Variants in DOCK4 observed in about 807,000 individuals in gnomAD.
The protein encoded by DOCK4 is dedicator of cytokinesis protein 4.
Under a neutral mutation model 268.1 loss-of-function variants are expected in DOCK4, and 97 were observed. The ratio of observed to expected loss-of-function variants is 0.36; its 90% CI spans 0.31 to 0.43. DOCK4 has a LOEUF of 0.43. Among genes scored for constraint, DOCK4 ranks in the 20% least tolerant of loss-of-function variants. The pLI, the probability that DOCK4 is intolerant of heterozygous loss-of-function variation, is 1.00. For synonymous variants in DOCK4, 954 were observed against 887.2 expected (o/e 1.08, Z -1.34); for missense variants, 2,145 against 2,455.7 (o/e 0.87, Z 2.67).
intron 1 of DOCK4, among the ~76,000 whole-genome samples, chr7:112,123,106 G>C (rs1246017648): frequency 1.3e-5 from 2 of 152,234 alleles, no homozygotes; most frequent in African/African-American, 4.8e-5. Context: ...GAGGAATTCT[G>C]TTAAAGGGAT....
At chr7:111,776,412 C>T (rs1798444402) in intron 36 of DOCK4, among the ~76,000 whole-genome samples, 1 of 152,136 alleles carries the variant, frequency 6.6e-6, no homozygotes, top group Non-Finnish European at 1.5e-5. Context: ...ATAAACGTCT[C>T]ACTGGAAAGG....
intron 44 of DOCK4, among the ~76,000 whole-genome samples, chr7:111,743,011 AAAAAG>A (rs1425449464): frequency 2.0e-5 from 3 of 152,250 alleles, no homozygotes; most frequent in African/African-American, 7.2e-5. Flanking sequence ...AAAAAAAAGA[AAAAAG>A]AAAAAAATCC....
At position 111,809,826 on chromosome 7, in the gene DOCK4, G is replaced by A. The variant is rs770502003; in HGVS notation, c.3007-425C>T. ...GTTCATTTTTGGAACTCCTTTTAACGTAGAACTTGTAAAAAATGCATACAC... is the reference window on the plus strand; with the variant it reads ...GTTCATTTTTGGAACTCCTTTTAACATAGAACTTGTAAAAAATGCATACAC... On this transcript the variant is annotated intron_variant, in intron 28 of 52. Coordinates refer to ENST00000428084, the MANE Select transcript of DOCK4 (RefSeq NM_001363540.2). 7.2e-5 allele frequency among the ~76,000 whole-genome samples: 11 copies of A among 152,200 alleles called. 1 individual carries two copies. Among genetic ancestry groups the A allele is most frequent in the Admixed American group, 3.9e-4 (6 of 15,284 alleles).
chr7:111,930,055 C>T (rs1402511736), intron 12 of DOCK4, among the ~76,000 whole-genome samples: 1 of 152,116 alleles, frequency 6.6e-6, no homozygotes, highest in African/African-American at 2.4e-5. Flanking sequence ...TTTATAATAA[C>T]CATTTGCTCA....
intron 1 of DOCK4, among the ~76,000 whole-genome samples, chr7:112,018,621 G>C (rs1175685455): frequency 6.6e-6 from 1 of 151,946 alleles, no homozygotes; most frequent in Admixed American, 6.6e-5. Flanking sequence ...ATTGAAATCT[G>C]GGTTGTCTTT....
intron 49 of DOCK4, 124 bp from the exon 50 acceptor site, chr7:111,737,113 G>C: frequency 2.7e-6 from 2 of 753,366 alleles, no homozygotes; most frequent in Non-Finnish European, 2.2e-6. Flanking sequence ...GTGATATGAT[G>C]AGCCTAGGAA....
chr7:111,768,294 C>T (rs533208252), intron 37 of DOCK4, among the ~76,000 whole-genome samples: 1 of 152,106 alleles, frequency 6.6e-6, no homozygotes, highest in South Asian at 2.1e-4. Context: ...ACCACTTTAT[C>T]CCACAGGTGG....
chr7:111,761,791 T>G (rs1285527380), intron 39 of DOCK4, among the ~76,000 whole-genome samples: 1 of 152,120 alleles, frequency 6.6e-6, no homozygotes, highest in Non-Finnish European at 1.5e-5. Context: ...TATCATGATC[T>G]TTTGAAAAAC....
intron 1 of DOCK4, among the ~76,000 whole-genome samples, chr7:112,068,841 A>G (rs1048967677): frequency 2.0e-5 from 3 of 152,130 alleles, no homozygotes; most frequent in African/African-American, 7.2e-5. Context: ...GAGATGTAGG[A>G]TCTCTATCTC....
rs1007559521 is a variant in DOCK4 at position 112,114,189 on chromosome 7, C to A, written c.37+91913G>T. 2.0e-5 allele frequency among the ~76,000 whole-genome samples: 3 copies of A among 152,164 alleles called. No homozygotes were observed. The South Asian group carries it at 6.2e-4, about 32-fold the overall frequency. Reference sequence around the variant, plus strand: ...CCTGCCTCCTTGAGCTATCCCCATCCTGGTCAAGCCTTCATGACACGGTCA... The same window carrying A: ...CCTGCCTCCTTGAGCTATCCCCATCATGGTCAAGCCTTCATGACACGGTCA... On this transcript the variant is annotated intron_variant, in intron 1 of 52. Transcript: ENST00000428084.
intron 1 of DOCK4, among the ~76,000 whole-genome samples, chr7:112,198,558 T>C (rs960555992): frequency 2.6e-5 from 4 of 152,204 alleles, no homozygotes; most frequent in Admixed American, 6.5e-5. Flanking sequence ...ACCTGATTCA[T>C]GGACTTATCT....
Position 111,742,195 on chromosome 7 carries a change from A to G in DOCK4, c.4678-63T>C. On this transcript the variant is annotated intron_variant, in intron 44 of 52. Coordinates refer to ENST00000428084, the MANE Select transcript of DOCK4 (RefSeq NM_001363540.2). ...GACTACCTCTCACTAAGTGCCTGCTATGGGCCGAGCACTTTACTACGCATT... is the reference window on the plus strand; with the variant it reads ...GACTACCTCTCACTAAGTGCCTGCTGTGGGCCGAGCACTTTACTACGCATT... The G allele has an allele frequency of 4.0e-6, 6 of 1,488,678 alleles. No homozygotes were observed. The South Asian group carries it at 5.8e-5, about 14-fold the overall frequency. The allele number at this position is 1,488,678 out of a possible 1,614,324, so 92.2% of individuals were successfully genotyped here.
rs560803115 is a variant in DOCK4 at position 112,180,010 on chromosome 7, C to T, written c.37+26092G>A. Among the ~76,000 whole-genome samples, 6 of 151,996 alleles carry T rather than the reference C, an allele frequency of 3.9e-5. No homozygotes were observed. The East Asian group carries it at 7.7e-4, about 20-fold the overall frequency. On this transcript the variant is annotated intron_variant, in intron 1 of 52. Coordinates refer to ENST00000428084, the MANE Select transcript of DOCK4 (RefSeq NM_001363540.2). ...ACACAGCATCAGTTTCTTATTCTGCCGGATACTAAGTCCAAAAGTCTAAAG... is the reference window on the plus strand; with the variant it reads ...ACACAGCATCAGTTTCTTATTCTGCTGGATACTAAGTCCAAAAGTCTAAAG...
chr7:111,738,329 A>C (rs1367568747), intron 49 of DOCK4, among the ~76,000 whole-genome samples: 1 of 152,200 alleles, frequency 6.6e-6, no homozygotes, highest in Non-Finnish European at 1.5e-5. Context: ...TGCATTCAAG[A>C]ATGGCAAAGG....
chr7:111,860,927 T>C (rs182600719), intron 23 of DOCK4, among the ~76,000 whole-genome samples: 2 of 152,310 alleles, frequency 1.3e-5, no homozygotes, highest in Admixed American at 6.5e-5. Context: ...CCCTATAATA[T>C]TTTCCTTACA....
chr7:111,894,371 T>C (rs143743335), intron 16 of DOCK4, among the ~76,000 whole-genome samples: 72 of 152,346 alleles, frequency 4.7e-4, no homozygotes, highest in African/African-American at 1.5e-3. Context: ...CAGAATCCCT[T>C]TACATAGCTG....
chr7:112,154,858 G>A (rs959642390), intron 1 of DOCK4, among the ~76,000 whole-genome samples: 3 of 152,162 alleles, frequency 2.0e-5, no homozygotes, highest in Non-Finnish European at 4.4e-5. Context: ...CAATAGCGGG[G>A]AGCATTCTTC....
chr7:111,760,694 GTAATTTCAC>G (rs1797335451), intron 39 of DOCK4, among the ~76,000 whole-genome samples: 1 of 151,724 alleles, frequency 6.6e-6, no homozygotes, highest in African/African-American at 2.4e-5. Context: ...ATTCATGTGG[GTAATTTCAC>G]AATTTGGAGG....
chr7:112,180,278 C>T (rs1389627611), intron 1 of DOCK4, among the ~76,000 whole-genome samples: 1 of 152,120 alleles, frequency 6.6e-6, no homozygotes, highest in Non-Finnish European at 1.5e-5. Flanking sequence ...GAGAACCTTG[C>T]TCTCCCAAAG....
Sources: gnomAD v4.1 joint callset for allele counts (sites outside exome capture counted in the v4.1 genomes callset) on GRCh38, gnomAD v4.1.1 for gene constraint, MANE v1.5 for transcripts, NCBI Gene and HGNC (gene_info 2026-07-23, HGNC 2026-07-21) for gene names.